NEK11: variants seen among roughly 807,000 people sequenced by gnomAD.
NEK11 encodes serine/threonine-protein kinase Nek11.
A neutral mutation model predicts 80.7 loss-of-function variants in NEK11; 72 were observed. That is an observed-to-expected ratio of 0.89 (90% CI 0.74 to 1.08). The LOEUF (loss-of-function observed/expected upper bound fraction) is 1.08. Ranked by LOEUF, NEK11 falls within the 50% of genes least tolerant of loss-of-function variation. The pLI is 0.00. For synonymous variants in NEK11, 251 were observed against 260.7 expected, an observed-to-expected ratio of 0.96 and a Z score of 0.36; for missense variants, 764 against 763.6, an observed-to-expected ratio of 1.00 and a Z score of -0.01.
chr3:131,312,416 A>G (rs188123572), intron 17 of NEK11, among the ~76,000 whole-genome samples: 403 of 152,312 alleles, frequency 2.6e-3, no homozygotes, highest in African/African-American at 9.3e-3. Flanking sequence ...ACATGAGCCC[A>G]TTTTACAGAT....
chr3:131,286,652 G>C (rs2096474148), intron 17 of NEK11, among the ~76,000 whole-genome samples: 1 of 152,102 alleles, frequency 6.6e-6, no homozygotes, highest in African/African-American at 2.4e-5. Flanking sequence ...CTCTATCATT[G>C]AGTTTTGCCT....
intron 14 of NEK11, among the ~76,000 whole-genome samples, chr3:131,211,634 T>G (rs1161378593): frequency 1.3e-5 from 2 of 152,236 alleles, no homozygotes; most frequent in Non-Finnish European, 2.9e-5. Flanking sequence ...TCTTTTCACA[T>G]AGTCCCATGT....
intron 3 of NEK11, among the ~76,000 whole-genome samples, chr3:131,063,454 A>G (rs2071290113): frequency 6.6e-6 from 1 of 152,214 alleles, no homozygotes; most frequent in African/African-American, 2.4e-5. Context: ...AATACAAGAC[A>G]ACTCTTGGAG....
At chr3:131,171,067 G>T (rs546224116) in intron 14 of NEK11, 180 bp downstream of exon 14, 4 of 620,520 alleles carry the variant, frequency 6.4e-6, no homozygotes, top group Admixed American at 2.6e-5. Flanking sequence ...GGATTTTTCT[G>T]TCCTCTCTAT....
chr3:131,029,865 C>A lies in NEK11; in HGVS notation c.157C>A (p.Arg53=). 1 of 1,614,078 alleles carries A rather than the reference C, an allele frequency of 6.2e-7. No individual in the cohort carries two copies. Among genetic ancestry groups the A allele is most frequent in the Non-Finnish European group, 8.5e-7 (1 of 1,179,986 alleles). The change falls in exon 3 of 18, where the codon CGA becomes AGA. Residue 53 remains arginine, a synonymous_variant. Coordinates refer to ENST00000383366, the MANE Select transcript of NEK11 (RefSeq NM_024800.5). The part of the protein sequence containing the change: ...VYLVSDKKAK[R]GEELKVLKEI... ...TCTGGTTTCAGACAAGAAAGCCAAA[C>A]GAGGAGAGGAATTGTAAGTAAAAAT...
chr3:131,336,104 ATT>A (rs2097179073), intron 17 of NEK11, among the ~76,000 whole-genome samples: 1 of 152,238 alleles, frequency 6.6e-6, no homozygotes, highest in South Asian at 2.1e-4. Flanking sequence ...TCTTCACAGA[ATT>A]GGAAAAAACT....
At chr3:131,218,264 G>A (rs1399728303) in intron 14 of NEK11, among the ~76,000 whole-genome samples, 2 of 152,160 alleles carry the variant, frequency 1.3e-5, no homozygotes, top group Non-Finnish European at 2.9e-5. Flanking sequence ...CTAAGGATGT[G>A]GGTGTGTGTA....
chr3:131,182,634 C>A (rs541432647), intron 14 of NEK11, among the ~76,000 whole-genome samples: 1 of 152,206 alleles, frequency 6.6e-6, no homozygotes, highest in South Asian at 2.1e-4. Flanking sequence ...TTTTTTCTGG[C>A]CAAGGCTCGT....
intron 4 of NEK11, among the ~76,000 whole-genome samples, chr3:131,081,729 A>G (rs988568313): frequency 6.6e-6 from 1 of 152,180 alleles, no homozygotes; most frequent in African/African-American, 2.4e-5. Flanking sequence ...AGCCCAAAAG[A>G]CATGAGGGAA....
At chr3:131,347,660 C>T (rs2097383896) in intron 17 of NEK11, among the ~76,000 whole-genome samples, 2 of 152,166 alleles carry the variant, frequency 1.3e-5, no homozygotes, top group South Asian at 4.1e-4. Context: ...TGGCTCACAC[C>T]TGTAATCCCA....
intron 3 of NEK11, among the ~76,000 whole-genome samples, chr3:131,062,248 G>A (rs1384518903): frequency 6.6e-6 from 1 of 152,090 alleles, no homozygotes; most frequent in Non-Finnish European, 1.5e-5. Context: ...GTGTAACTTG[G>A]GAATAGATGT....
chr3:131,308,357 C>T (rs1160921000), intron 17 of NEK11, among the ~76,000 whole-genome samples: 1 of 152,190 alleles, frequency 6.6e-6, no homozygotes, highest in Admixed American at 6.5e-5. Flanking sequence ...CAGTTCTTAA[C>T]TCAGAATTGT....
At chr3:131,319,858 T>G (rs1292063745) in intron 17 of NEK11, among the ~76,000 whole-genome samples, 4 of 152,160 alleles carry the variant, frequency 2.6e-5, no homozygotes, top group Admixed American at 2.6e-4. Flanking sequence ...AAACATTTTT[T>G]TTTAATTTCA....
At chr3:131,105,069 G>A (rs61603750) in intron 4 of NEK11, among the ~76,000 whole-genome samples, 28,058 of 152,146 alleles carry the variant, frequency 0.18, 2,678 homozygotes, top group Middle Eastern at 0.22. Context: ...GTGTTTACTT[G>A]CAGCTCTGCC....
At chr3:131,208,406 C>T (rs1162576738) in intron 14 of NEK11, among the ~76,000 whole-genome samples, 1 of 152,180 alleles carries the variant, frequency 6.6e-6, no homozygotes, top group Admixed American at 6.5e-5. Flanking sequence ...ATGATGCCTC[C>T]AGCTTTGTTC....
At chr3:131,178,333 C>A (rs1579647974) in intron 14 of NEK11, among the ~76,000 whole-genome samples, 1 of 152,298 alleles carries the variant, frequency 6.6e-6, no homozygotes, top group East Asian at 1.9e-4. Context: ...CCTCAGCTTA[C>A]TGTAACTTTT....
chr3:131,228,762 A>T, intron 15 of NEK11, 74 bp downstream of exon 15: 1 of 1,451,174 alleles, frequency 6.9e-7, no homozygotes, highest in Non-Finnish European at 9.3e-7. Context: ...GAAGAAAGGA[A>T]GTCTTATAAG....
At chr3:131,042,636 A>G (rs1454158052) in intron 3 of NEK11, among the ~76,000 whole-genome samples, 1 of 152,162 alleles carries the variant, frequency 6.6e-6, no homozygotes, top group Non-Finnish European at 1.5e-5. Flanking sequence ...TAAAACTCCC[A>G]TCTCCCTGGG....
At chr3:131,135,591 A>G (rs1454633646) in intron 7 of NEK11, among the ~76,000 whole-genome samples, 1 of 152,176 alleles carries the variant, frequency 6.6e-6, no homozygotes, top group Non-Finnish European at 1.5e-5. Context: ...CCCTTTCTCT[A>G]GTTTGAGAAA....
Sources: allele counts gnomAD v4.1 joint callset (sites outside exome capture counted in the v4.1 genomes callset), GRCh38; gene constraint gnomAD v4.1.1; transcripts MANE v1.5; gene names NCBI Gene and HGNC (gene_info 2026-07-23, HGNC 2026-07-21).